CARMIL1: variants seen among roughly 807,000 people sequenced by gnomAD.
CARMIL1 encodes capping protein regulator and myosin 1 linker 1.
In CARMIL1, 90 loss-of-function variants were observed where a neutral mutation model predicts 177.1. The observed-to-expected ratio is 0.51, with a 90% CI of 0.43 to 0.61. The LOEUF (loss-of-function observed/expected upper bound fraction) is 0.61. Ranked by LOEUF, CARMIL1 falls within the 20% of genes least tolerant of loss-of-function variation. The probability of loss-of-function intolerance (pLI) is 0.00; values close to 1 mark genes in which losing one functional copy is unlikely to be tolerated. For missense variants in CARMIL1, 1,380 were observed against 1,667.0 expected (o/e 0.83, Z 3.00); for synonymous variants, 577 against 606.2 (o/e 0.95, Z 0.71).
At chr6:25,477,647 A>G (rs932657278) in intron 11 of CARMIL1, among the ~76,000 whole-genome samples, 2 of 152,040 alleles carry the variant, frequency 1.3e-5, no homozygotes, top group African/African-American at 4.8e-5. Context: ...AAGCAGTGGA[A>G]TAGAACAGAA....
intron 2 of CARMIL1, among the ~76,000 whole-genome samples, chr6:25,397,780 TTCCATCAC>T (rs1294058957): frequency 7.2e-5 from 11 of 152,160 alleles, no homozygotes; most frequent in Non-Finnish European, 1.2e-4. Context: ...CTCCTAGGTA[TTCCATCAC>T]TCAGCTTAAT....
chr6:25,517,457 C>G (rs547090971), intron 22 of CARMIL1, 42 bp downstream of exon 22: 1 of 1,498,050 alleles, frequency 6.7e-7, no homozygotes, highest in South Asian at 1.1e-5. Flanking sequence ...AATAAAAAAA[C>G]AAAAACCAAT....
intron 8 of CARMIL1, among the ~76,000 whole-genome samples, chr6:25,451,102 C>T (rs1188457533): frequency 2.7e-5 from 4 of 146,966 alleles, no homozygotes; most frequent in African/African-American, 1.0e-4. Context: ...GGAATCAGTA[C>T]AATCTAAGAA....
intron 8 of CARMIL1, among the ~76,000 whole-genome samples, chr6:25,458,227 T>G (rs1034812141): frequency 2.0e-5 from 3 of 152,134 alleles, no homozygotes; most frequent in African/African-American, 7.2e-5. Flanking sequence ...AACTTTGTAT[T>G]ATAAAATAGC....
chr6:25,374,235 A>G (rs1014344029), intron 2 of CARMIL1, among the ~76,000 whole-genome samples: 16 of 152,164 alleles, frequency 1.1e-4, no homozygotes, highest in Non-Finnish European at 2.2e-4. Context: ...GTGTATCACT[A>G]TTATTCATTT....
chr6:25,516,291 A>G (rs1180327279), intron 21 of CARMIL1, among the ~76,000 whole-genome samples: 1 of 93,110 alleles, frequency 1.1e-5, no homozygotes, highest in Non-Finnish European at 2.2e-5. Context: ...CTGCTGGTTC[A>G]AAACCCAAAA....
chr6:25,469,886 T>C (rs1353454970), intron 9 of CARMIL1, among the ~76,000 whole-genome samples: 1 of 152,110 alleles, frequency 6.6e-6, no homozygotes, highest in Non-Finnish European at 1.5e-5. Context: ...AATATTAAGG[T>C]CAAGAACCAC....
intron 26 of CARMIL1, among the ~76,000 whole-genome samples, chr6:25,544,311 C>T (rs751875260): frequency 2.6e-5 from 4 of 151,826 alleles, no homozygotes; most frequent in South Asian, 4.2e-4. Context: ...CATCTAGAAT[C>T]GTTGTAATAA....
intron 2 of CARMIL1, among the ~76,000 whole-genome samples, chr6:25,366,671 A>G (rs986788989): frequency 1.3e-5 from 2 of 151,358 alleles, no homozygotes; most frequent in African/African-American, 4.9e-5. Flanking sequence ...CAAGTAAATG[A>G]AAGTTTTCAA....
At chr6:25,327,188 G>A (rs1051189145) in intron 2 of CARMIL1, among the ~76,000 whole-genome samples, 2 of 152,028 alleles carry the variant, frequency 1.3e-5, no homozygotes, top group African/African-American at 4.8e-5. Context: ...CAAGGAGAGA[G>A]GGTGCAAGAG....
At chr6:25,385,882 G>A (rs1792111496) in intron 2 of CARMIL1, among the ~76,000 whole-genome samples, 1 of 152,232 alleles carries the variant, frequency 6.6e-6, no homozygotes, top group African/African-American at 2.4e-5. Context: ...GGAGAGGAAG[G>A]AAGAGAGAGA....
chr6:25,436,686 G>T (rs1039312933), intron 5 of CARMIL1, among the ~76,000 whole-genome samples: 1 of 152,208 alleles, frequency 6.6e-6, no homozygotes, highest in African/African-American at 2.4e-5. Context: ...TCCCCCCATG[G>T]TGGGAGGTGG....
chr6:25,513,827 G>A (rs879470901), intron 20 of CARMIL1, among the ~76,000 whole-genome samples: 10 of 152,178 alleles, frequency 6.6e-5, no homozygotes, highest in Non-Finnish European at 1.3e-4. Context: ...ACTTCCTGTA[G>A]TGTTGGGACT....
intron 4 of CARMIL1, among the ~76,000 whole-genome samples, chr6:25,432,334 C>CTCTT: frequency 6.6e-6 from 1 of 152,102 alleles, no homozygotes; most frequent in Non-Finnish European, 1.5e-5. Context: ...TTTCTCCTTG[C>CTCTT]TGTTCTTTAT....
chr6:25,522,801 T>C (rs1040729503), intron 23 of CARMIL1, among the ~76,000 whole-genome samples: 15 of 149,120 alleles, frequency 1.0e-4, no homozygotes, highest in African/African-American at 3.4e-4. Flanking sequence ...TATGTATGAC[T>C]GGATACTTCA....
At chr6:25,370,314 T>C (rs1790280136) in intron 2 of CARMIL1, among the ~76,000 whole-genome samples, 1 of 152,192 alleles carries the variant, frequency 6.6e-6, no homozygotes, top group African/African-American at 2.4e-5. Flanking sequence ...CCTTCATCTT[T>C]ATGGGGGTAG....
intron 2 of CARMIL1, among the ~76,000 whole-genome samples, chr6:25,373,225 T>TC (rs919248349): frequency 1.2e-4 from 19 of 152,170 alleles, no homozygotes; most frequent in African/African-American, 4.3e-4. Context: ...CTTTTTTTTT[T>TC]CTGTTATATC....
chr6:25,430,863 T>A (rs372029341), intron 4 of CARMIL1, among the ~76,000 whole-genome samples: 1 of 152,324 alleles, frequency 6.6e-6, no homozygotes, highest in South Asian at 2.1e-4. Context: ...AGTTGTTGAA[T>A]TTATTGGAAT....
chr6:25,288,700 T>C (rs1323648834), intron 2 of CARMIL1, among the ~76,000 whole-genome samples: 1 of 152,196 alleles, frequency 6.6e-6, no homozygotes, highest in Admixed American at 6.5e-5. Context: ...GAAGCCCAAG[T>C]ATCTGCTGCC....
Sources: allele counts gnomAD v4.1 joint callset (sites outside exome capture counted in the v4.1 genomes callset), GRCh38; gene constraint gnomAD v4.1.1; transcripts MANE v1.5; gene names NCBI Gene and HGNC (gene_info 2026-07-23, HGNC 2026-07-21).